The following AMPH variants were observed in gnomAD, a reference collection of about 807,000 sequenced individuals.
AMPH encodes the protein amphiphysin.
Under a neutral mutation model 99.1 loss-of-function variants are expected in AMPH, and 49 were observed. That is an observed-to-expected ratio of 0.49 (90% CI 0.39 to 0.63). AMPH has a LOEUF of 0.63. Ranked by LOEUF, AMPH falls within the 20% of genes least tolerant of loss-of-function variation. The pLI, the probability that AMPH is intolerant of heterozygous loss-of-function variation, is 0.00. For synonymous variants in AMPH, 314 were observed against 317.3 expected (o/e 0.99, Z 0.11); for missense variants, 759 against 863.4 (o/e 0.88, Z 1.52).
chr7:38,432,098 T>C, intron 13 of AMPH, 91 bp downstream of exon 13: 1 of 1,138,598 alleles, frequency 8.8e-7, no homozygotes, highest in Non-Finnish European at 1.3e-6. Context: ...GTATGTGTCT[T>C]CTTTCTGTTG....
intron 2 of AMPH, among the ~76,000 whole-genome samples, chr7:38,510,208 C>G (rs1391022230): frequency 6.6e-6 from 1 of 152,128 alleles, no homozygotes; most frequent in Non-Finnish European, 1.5e-5. Context: ...AGATGACCAC[C>G]TTCTTGCTGT....
rs1303808231 is a variant in AMPH at position 38,614,476 on chromosome 7, C to T, written c.69+16807G>A. Among the ~76,000 whole-genome samples the T allele has an allele frequency of 2.6e-5, 4 of 152,172 alleles. No homozygotes were observed. In the East Asian group the frequency reaches 5.8e-4, roughly 22 times the overall value. On this transcript the variant is annotated intron_variant, in intron 1 of 20. Coordinates refer to ENST00000356264, the MANE Select transcript of AMPH (RefSeq NM_001635.4). ...GTTGCTAAGAAGCAGATATAGAACACGCATGAGTTCTCTGATGGCCTGGGA... is the reference window on the plus strand; with the variant it reads ...GTTGCTAAGAAGCAGATATAGAACATGCATGAGTTCTCTGATGGCCTGGGA...
intron 1 of AMPH, among the ~76,000 whole-genome samples, chr7:38,598,289 G>GT (rs113113041): frequency 0.014 from 2,071 of 152,026 alleles, 48 homozygotes; most frequent in African/African-American, 0.048. Context: ...TGTTGTTGTT[G>GT]TTGTTTGTTT....
chr7:38,395,908 G>T (rs369574606), intron 17 of AMPH, among the ~76,000 whole-genome samples: 2 of 152,216 alleles, frequency 1.3e-5, no homozygotes, highest in East Asian at 1.9e-4. Flanking sequence ...ACAGGTAATA[G>T]TTTAAATAAA....
At chr7:38,480,892 C>T (rs934799979) in intron 5 of AMPH, among the ~76,000 whole-genome samples, 8 of 152,162 alleles carry the variant, frequency 5.3e-5, no homozygotes, top group African/African-American at 1.2e-4. Context: ...TTAATATCTT[C>T]CAAGTAGCAA....
intron 17 of AMPH, among the ~76,000 whole-genome samples, chr7:38,406,784 A>C (rs1785022463): frequency 9.1e-6 from 1 of 110,048 alleles, no homozygotes; most frequent in Non-Finnish European, 1.7e-5. Context: ...CTCGTGCTGG[A>C]TGCCTGCTTT....
chr7:38,605,898 T>C (rs1250393103), intron 1 of AMPH, among the ~76,000 whole-genome samples: 2 of 152,170 alleles, frequency 1.3e-5, no homozygotes, highest in African/African-American at 2.4e-5. Context: ...TTTTGAGTGC[T>C]AGAAGTCTAA....
intron 17 of AMPH, among the ~76,000 whole-genome samples, chr7:38,401,708 G>C (rs1784846011): frequency 6.6e-6 from 1 of 152,078 alleles, no homozygotes; most frequent in Non-Finnish European, 1.5e-5. Context: ...TTCCAACCTA[G>C]ATGCTTGCAG....
At chr7:38,433,890 T>C (rs958880830) in intron 12 of AMPH, among the ~76,000 whole-genome samples, 3 of 152,076 alleles carry the variant, frequency 2.0e-5, no homozygotes, top group South Asian at 2.1e-4. Context: ...CGTGCACAGA[T>C]ACTGCAGAGA....
At chr7:38,576,281 T>C (rs996343053) in intron 1 of AMPH, among the ~76,000 whole-genome samples, 7 of 152,208 alleles carry the variant, frequency 4.6e-5, no homozygotes, top group Admixed American at 3.3e-4. Context: ...CTTCTTAATA[T>C]TGAGCTCCAC....
At chr7:38,583,129 G>C (rs1428662497) in intron 1 of AMPH, among the ~76,000 whole-genome samples, 2 of 152,178 alleles carry the variant, frequency 1.3e-5, no homozygotes, top group African/African-American at 4.8e-5. Flanking sequence ...ATATGCATCA[G>C]AGCTCCCTTT....
intron 1 of AMPH, among the ~76,000 whole-genome samples, chr7:38,601,806 T>A (rs1793256377): frequency 6.6e-6 from 1 of 152,206 alleles, no homozygotes; most frequent in South Asian, 2.1e-4. Flanking sequence ...ATCAGATTGC[T>A]GGCAGCTCTC....
chr7:38,475,446 C>T lies in AMPH; in HGVS notation c.505-30G>A, dbSNP rs563477108. On this transcript the variant is annotated intron_variant, in intron 6 of 20. Coordinates refer to ENST00000356264, the MANE Select transcript of AMPH (RefSeq NM_001635.4). Reference sequence around the variant, plus strand: ...GAATGAAACATAACATGTGTTTACACTAAGAAAGACCATTTCTATACACAA... The same window carrying T: ...GAATGAAACATAACATGTGTTTACATTAAGAAAGACCATTTCTATACACAA... 2.5e-5 allele frequency: 36 copies of T among 1,444,490 alleles called. No individual in the cohort carries two copies. In the African/African-American group the frequency reaches 3.9e-4, roughly 16 times the overall value. 89.5% of individuals were successfully genotyped at this position (1,444,490 alleles called of 1,614,324 possible).
chr7:38,541,126 C>T (rs569193881), intron 1 of AMPH, among the ~76,000 whole-genome samples: 72 of 150,822 alleles, frequency 4.8e-4, no homozygotes, highest in African/African-American at 1.7e-3. Flanking sequence ...CTCTTCTGAA[C>T]AGGACATGGA....
intron 2 of AMPH, among the ~76,000 whole-genome samples, chr7:38,525,273 T>TAGAGAGAGAGAGAG (rs1360827159): frequency 3.6e-5 from 3 of 83,338 alleles, no homozygotes; most frequent in African/African-American, 5.8e-5. Context: ...TATATATATA[T>TAGAGAGAGAGAGAG]ATATAGAGAG....
chr7:38,528,931 G>A (rs779847288), intron 2 of AMPH, among the ~76,000 whole-genome samples: 3 of 151,914 alleles, frequency 2.0e-5, no homozygotes, highest in South Asian at 2.1e-4. Flanking sequence ...CCTTGTATTC[G>A]CTGAACCTGG....
intron 1 of AMPH, among the ~76,000 whole-genome samples, chr7:38,596,520 A>T (rs1237832316): frequency 6.6e-6 from 1 of 152,146 alleles, no homozygotes; most frequent in African/African-American, 2.4e-5. Context: ...TTCACACCCA[A>T]ATCTTAAACT....
intron 1 of AMPH, among the ~76,000 whole-genome samples, chr7:38,580,464 C>T (rs999754050): frequency 6.6e-6 from 1 of 152,128 alleles, no homozygotes; most frequent in Non-Finnish European, 1.5e-5. Flanking sequence ...ATTGACATCA[C>T]CAAACCCCTG....
chr7:38,491,223 T>C (rs1788709563), intron 4 of AMPH, 78 bp from the exon 5 acceptor site: 1 of 981,692 alleles, frequency 1.0e-6, no homozygotes, highest in South Asian at 1.4e-5. Context: ...AATCTGAAAC[T>C]ATAAAATTAG....
Sources: allele counts gnomAD v4.1 joint callset (sites outside exome capture counted in the v4.1 genomes callset), GRCh38; gene constraint gnomAD v4.1.1; transcripts MANE v1.5; gene names NCBI Gene and HGNC (gene_info 2026-07-23, HGNC 2026-07-21).